AR: variants seen among roughly 807,000 people sequenced by gnomAD.
AR encodes the protein dihydrotestosterone receptor.
In AR, 8 loss-of-function variants were observed where a neutral mutation model predicts 53.9. The ratio of observed to expected loss-of-function variants is 0.15; its 90% CI spans 0.09 to 0.27. The LOEUF is 0.27. Ranked by LOEUF, AR falls within the 10% of genes least tolerant of loss-of-function variation. AR has a pLI of 1.00. For missense variants in AR, 639 were observed against 742.5 expected (o/e 0.86, Z 1.62); for synonymous variants, 359 against 316.4 (o/e 1.13, Z -1.43).
Position 67,659,818 on chromosome X carries a change from G to C in AR, c.1768+16411G>C, listed in dbSNP as rs1050039628. Among the ~76,000 whole-genome samples the C allele has an allele frequency of 3.6e-5, 4 of 111,767 alleles. No individual in the cohort carries two copies. In the Admixed American group the frequency reaches 3.8e-4, roughly 11 times the overall value. ...ACTGACTTCCACAATGGTTCAACTA[G>C]TTTACAGTCCCACCAACAGTGTAAA... On this transcript the variant is annotated intron_variant, in intron 2 of 7. Transcript: ENST00000374690.
At chrX:67,642,683 A>G (rs1925845360) in intron 1 of AR, among the ~76,000 whole-genome samples, 1 of 111,964 alleles carries the variant, frequency 8.9e-6, no homozygotes, top group Admixed American at 9.5e-5. Flanking sequence ...TTATGATAAT[A>G]CTAATCACGA....
At position 67,546,532 on chromosome X, in the gene AR, C is replaced by T. The variant is rs773864324; in HGVS notation, c.1386C>T (p.Gly462=). Reference sequence around the variant, plus strand: ...GGGGTGGTGGCGGCGGCGGCGGCGGCGGCGGCGGCGGCGGCGGCGGCGGCG... The same window carrying T: ...GGGGTGGTGGCGGCGGCGGCGGCGGTGGCGGCGGCGGCGGCGGCGGCGGCG... The part of the protein sequence containing the change: ...GGGGGGGGGG[G]GGGGGGGGGG... The change falls in exon 1 of 8, where the codon GGC becomes GGT. Residue 462 remains glycine, a synonymous_variant. Transcript: ENST00000374690. 4.4e-5 allele frequency: 35 copies of T among 796,264 alleles called. 5 individuals are homozygous for T. The highest frequency in any genetic ancestry group is 6.0e-5 in the South Asian group (1 of 16,660). The allele number at this position is 796,264 out of a possible 1,213,427, so 65.6% of individuals were successfully genotyped here.
chrX:67,638,020 T>C (rs765610990), intron 1 of AR, among the ~76,000 whole-genome samples: 1 of 110,782 alleles, frequency 9.0e-6, no homozygotes, highest in African/African-American at 3.3e-5. Flanking sequence ...TTCCCTAGCC[T>C]GTGTCCAAGT....
intron 3 of AR, chrX:67,695,178 G>A: frequency 9.2e-6 from 7 of 756,841 alleles, no homozygotes; most frequent in Non-Finnish European, 1.1e-5. Context: ...AGAAGCAACT[G>A]TGTCTGTCTG....
At position 67,643,431 on chromosome X, in the gene AR, T is replaced by G; in HGVS notation, c.1768+24T>G. On this transcript the variant is annotated intron_variant, in intron 2 of 7. Transcript: ENST00000374690. ...AGGTAAAGGGTCTTGCACATGCACTTCTCTTTCCCTTTCTCCTTTACCTTC... is the reference window on the plus strand; with the variant it reads ...AGGTAAAGGGTCTTGCACATGCACTGCTCTTTCCCTTTCTCCTTTACCTTC... The G allele has an allele frequency of 5.0e-6, 6 of 1,195,952 alleles. No individual in the cohort carries two copies. The East Asian group carries it at 1.8e-4, about 36-fold the overall frequency.
At chrX:67,646,304 C>T (rs1157639443) in intron 2 of AR, among the ~76,000 whole-genome samples, 1 of 110,816 alleles carries the variant, frequency 9.0e-6, no homozygotes, top group Non-Finnish European at 1.9e-5. Flanking sequence ...TACATTTTCT[C>T]CTTGTCAGTA....
rs777137617 is a variant in AR, at chrX:67,728,290, C to A, written c.*4449C>A. 6.2e-6 allele frequency: 1 copy of A among 162,285 alleles called. No individual in the cohort carries two copies. The highest frequency in any genetic ancestry group is 3.5e-4 in the South Asian group (1 of 2,848). 13.4% of individuals were successfully genotyped at this position (162,285 alleles called of 1,213,427 possible). On this transcript the variant is annotated 3_prime_UTR_variant, in exon 8 of 8. Transcript: ENST00000374690. ...TATAAGCAGAACTGGCTTTCCTTTT[C>A]TCTAGTAGTTGCTGAGCAAATTGTT...
At chrX:67,720,816 C>G (rs1442424027) in intron 5 of AR, among the ~76,000 whole-genome samples, 2 of 110,058 alleles carry the variant, frequency 1.8e-5, no homozygotes, top group Non-Finnish European at 3.8e-5. Context: ...TTTGTCCTCA[C>G]CACTTAAGTG....
chrX:67,579,978 C>A (rs761353238), intron 1 of AR, among the ~76,000 whole-genome samples: 5 of 110,713 alleles, frequency 4.5e-5, no homozygotes, highest in East Asian at 2.8e-4. Flanking sequence ...TACTCTTTCT[C>A]CCAGTTGGCA....
At chrX:67,690,858 A>G (rs1037369409) in intron 3 of AR, among the ~76,000 whole-genome samples, 3 of 111,987 alleles carry the variant, frequency 2.7e-5, no homozygotes, top group African/African-American at 9.7e-5. Context: ...GTTTGAATAA[A>G]GGCACAGAGA....
chrX:67,629,992 G>C, intron 1 of AR, among the ~76,000 whole-genome samples: 1 of 111,351 alleles, frequency 9.0e-6, no homozygotes. Context: ...ATTGCACGGT[G>C]GTCTGAGAGA....
At chrX:67,660,135 T>G (rs1926811568) in intron 2 of AR, among the ~76,000 whole-genome samples, 1 of 112,245 alleles carries the variant, frequency 8.9e-6, no homozygotes, top group East Asian at 2.8e-4. Flanking sequence ...ATGAGTAGAT[T>G]GCAAAAGTTT....
At chrX:67,673,369 G>GTCTCTC (rs3070073) in intron 2 of AR, among the ~76,000 whole-genome samples, 30 of 97,605 alleles carry the variant, frequency 3.1e-4, no homozygotes, top group South Asian at 5.1e-4. Flanking sequence ...TTCTCTCTCT[G>GTCTCTC]TCTCTCTCTC....
chrX:67,690,058 T>C, intron 3 of AR, among the ~76,000 whole-genome samples: 1 of 111,890 alleles, frequency 8.9e-6, no homozygotes, highest in African/African-American at 3.2e-5. Flanking sequence ...TTGGTCCCTG[T>C]TGATTCCTTC....
At chrX:67,551,536 A>G (rs1387524640) in intron 1 of AR, among the ~76,000 whole-genome samples, 1 of 111,441 alleles carries the variant, frequency 9.0e-6, no homozygotes, top group Non-Finnish European at 1.9e-5. Context: ...GAATTATGAA[A>G]TCTCATATTT....
chrX:67,689,044 G>A (rs1279063841), intron 3 of AR, among the ~76,000 whole-genome samples: 2 of 111,261 alleles, frequency 1.8e-5, no homozygotes, highest in Non-Finnish European at 3.8e-5. Context: ...TGGCAACTAG[G>A]AATGTGGCCT....
chrX:67,579,900 C>T (rs1020362079), intron 1 of AR, among the ~76,000 whole-genome samples: 1 of 111,413 alleles, frequency 9.0e-6, no homozygotes, highest in African/African-American at 3.3e-5. Context: ...AACAAAATGG[C>T]AGCACCCAGG....
intron 5 of AR, among the ~76,000 whole-genome samples, chrX:67,717,865 A>T (rs5918764): frequency 1.8e-5 from 2 of 111,635 alleles, no homozygotes; most frequent in African/African-American, 6.5e-5. Context: ...TCCTAGTCAT[A>T]TTTCTGGTCT....
chrX:67,621,330 AT>A (rs1459906964), intron 1 of AR, among the ~76,000 whole-genome samples: 1 of 110,960 alleles, frequency 9.0e-6, no homozygotes, highest in Admixed American at 9.6e-5. Flanking sequence ...AGATGCCCAG[AT>A]TTTTGTCGTT....
Sources: gnomAD v4.1 joint callset for allele counts (sites outside exome capture counted in the v4.1 genomes callset) on GRCh38, gnomAD v4.1.1 for gene constraint, MANE v1.5 for transcripts, NCBI Gene and HGNC (gene_info 2026-07-23, HGNC 2026-07-21) for gene names.